SMAD3: variants seen among roughly 807,000 people sequenced by gnomAD.
The protein encoded by SMAD3 is MAD homolog 3.
In SMAD3, 12 loss-of-function variants were observed where a neutral mutation model predicts 51.8. The observed-to-expected ratio is 0.23, with a 90% CI of 0.15 to 0.38. SMAD3 has a LOEUF of 0.38. Ranked by LOEUF, SMAD3 falls within the 10% of genes least tolerant of loss-of-function variation. SMAD3 has a pLI of 1.00. For missense variants in SMAD3, 294 were observed against 565.6 expected, an observed-to-expected ratio of 0.52 and a Z score of 4.87; for synonymous variants, 238 against 227.7, an observed-to-expected ratio of 1.05 and a Z score of -0.41.
chr15:67,098,519 G>T (rs1256879559), intron 1 of SMAD3: 1 of 306,386 alleles, frequency 3.3e-6, no homozygotes, highest in South Asian at 7.8e-5. Flanking sequence ...CATAGCAGGG[G>T]TTTCTTACTG....
At chr15:67,183,347 T>A (rs1267495440) in intron 6 of SMAD3, among the ~76,000 whole-genome samples, 2 of 151,956 alleles carry the variant, frequency 1.3e-5, no homozygotes, top group African/African-American at 2.4e-5. Context: ...CCCGGCCTAT[T>A]TTTTTAAGTT....
intron 5 of SMAD3, chr15:67,174,339 G>A (rs1962832730): frequency 6.6e-6 from 1 of 152,406 alleles, no homozygotes; most frequent in South Asian, 2.1e-4. Flanking sequence ...ATTTAGTGGA[G>A]AGGCCGACCC....
At chr15:67,151,192 T>C (rs1962132355) in intron 1 of SMAD3, among the ~76,000 whole-genome samples, 1 of 152,008 alleles carries the variant, frequency 6.6e-6, no homozygotes, top group African/African-American at 2.4e-5. Flanking sequence ...CATATATTAG[T>C]GGAAGGCCCA....
intron 1 of SMAD3, among the ~76,000 whole-genome samples, chr15:67,153,566 A>AG (rs1315717822): frequency 6.6e-6 from 1 of 152,070 alleles, no homozygotes; most frequent in African/African-American, 2.4e-5. Flanking sequence ...GGGGATCTCA[A>AG]GGGGAGGGAA....
At chr15:67,142,680 G>C in intron 1 of SMAD3, 2 of 308,816 alleles carry the variant, frequency 6.5e-6, no homozygotes, top group South Asian at 4.9e-5. Context: ...GCGTCCAGAG[G>C]CCTGGTAACG....
intron 1 of SMAD3, among the ~76,000 whole-genome samples, chr15:67,067,665 C>T (rs577639268): frequency 2.0e-5 from 3 of 152,288 alleles, no homozygotes; most frequent in Non-Finnish European, 4.4e-5. Context: ...GCAGGCCTCC[C>T]CTGGAAATAA....
intron 1 of SMAD3, among the ~76,000 whole-genome samples, chr15:67,119,651 A>C (rs933857515): frequency 1.2e-4 from 19 of 152,246 alleles, no homozygotes; most frequent in African/African-American, 3.9e-4. Context: ...CGGGAATGGG[A>C]AAAATGAATT....
chr15:67,106,808 T>TC (rs1960887727), intron 1 of SMAD3, among the ~76,000 whole-genome samples: 2 of 152,156 alleles, frequency 1.3e-5, no homozygotes, highest in African/African-American at 2.4e-5. Context: ...AACTTATCAG[T>TC]CCTACATCTC....
At chr15:67,151,638 C>T (rs998806584) in intron 1 of SMAD3, among the ~76,000 whole-genome samples, 1 of 152,162 alleles carries the variant, frequency 6.6e-6, no homozygotes, top group Non-Finnish European at 1.5e-5. Context: ...GGCTATTTTC[C>T]CTTTTTCCTT....
At chr15:67,182,999 AAATAT>A (rs1225282350) in intron 6 of SMAD3, among the ~76,000 whole-genome samples, 595 of 50,042 alleles carry the variant, frequency 0.012, 3 homozygotes, top group Non-Finnish European at 0.016. Flanking sequence ...AAAAAAAAAA[AAATAT>A]ATATATATAT....
chr15:67,166,705 A>G lies in SMAD3; in HGVS notation c.533-74A>G. The G allele has an allele frequency of 3.2e-6, 3 of 933,472 alleles. No individual in the cohort carries two copies. In the South Asian group the frequency reaches 4.2e-5, roughly 13 times the overall value. 57.8% of individuals were successfully genotyped at this position (933,472 alleles called of 1,614,324 possible). A position where few individuals can be genotyped will look rare whatever the true frequency, so the allele number is the denominator to read the frequency against. On this transcript the variant is annotated intron_variant, in intron 3 of 8. Transcript: ENST00000327367. ...GCTAGCATCATGGTGTGCATGTGTGATGTCTTTGCAAAAGGTGTCTCAGAG... is the reference window on the plus strand; with the variant it reads ...GCTAGCATCATGGTGTGCATGTGTGGTGTCTTTGCAAAAGGTGTCTCAGAG...
At chr15:67,144,419 G>A (rs1182571671) in intron 1 of SMAD3, among the ~76,000 whole-genome samples, 4 of 152,196 alleles carry the variant, frequency 2.6e-5, no homozygotes, top group Non-Finnish European at 5.9e-5. Flanking sequence ...CATTTTAAAA[G>A]TTTCTCCTGA....
In SMAD3 at chr15:67,170,621, G is replaced by A. The variant is rs2140301245; in HGVS notation, c.658+17G>A. On this transcript the variant is annotated intron_variant, in intron 5 of 8. Coordinates refer to ENST00000327367, the MANE Select transcript of SMAD3 (RefSeq NM_005902.4). ...ATAACTTGGGTGAGTATCTCCTTGT[G>A]CACACAACTGGAACCCCCTCTAGCT... The A allele has an allele frequency of 1.2e-6, 2 of 1,610,672 alleles. No individual in the cohort carries two copies. Among genetic ancestry groups the A allele is most frequent in the Non-Finnish European group, 1.7e-6 (2 of 1,176,988 alleles).
rs368316454 is a variant in SMAD3, at chr15:67,131,915, A to G, written c.207-32980A>G. Among the ~76,000 whole-genome samples the G allele has an allele frequency of 1.5e-3, 230 of 152,232 alleles. 6 individuals are homozygous for G. In the South Asian group the frequency reaches 0.046, roughly 30 times the overall value. ...AACACTGCATTAACAGGAGATAGAG[A>G]TCCAGTGTGTGTGAACCTTGTGAAA... On this transcript the variant is annotated intron_variant, in intron 1 of 8. Coordinates refer to ENST00000327367, the MANE Select transcript of SMAD3 (RefSeq NM_005902.4).
intron 1 of SMAD3, among the ~76,000 whole-genome samples, chr15:67,102,247 A>AGAGTGT (rs113486399): frequency 2.0e-5 from 3 of 149,098 alleles, no homozygotes; most frequent in East Asian, 2.0e-4. Flanking sequence ...ATGCTGTGAA[A>AGAGTGT]GTGTGTGTGT....
At chr15:67,141,270 T>TC (rs1398985699) in intron 1 of SMAD3, among the ~76,000 whole-genome samples, 1 of 152,232 alleles carries the variant, frequency 6.6e-6, no homozygotes, top group Non-Finnish European at 1.5e-5. Flanking sequence ...TTCAACGTAC[T>TC]ATCTGTGTTG....
At chr15:67,085,867 T>TACAC (rs1960377202) in intron 1 of SMAD3, among the ~76,000 whole-genome samples, 1 of 54,894 alleles carries the variant, frequency 1.8e-5, no homozygotes, top group East Asian at 7.6e-4. Flanking sequence ...AAAAAAAGCG[T>TACAC]GCACACACAC....
intron 1 of SMAD3, among the ~76,000 whole-genome samples, chr15:67,097,391 T>G (rs1434743562): frequency 2.0e-5 from 3 of 150,354 alleles, no homozygotes; most frequent in Non-Finnish European, 4.5e-5. Flanking sequence ...AATTTTCATG[T>G]TTTTTTTGTT....
At chr15:67,088,434 A>G (rs769016028) in intron 1 of SMAD3, among the ~76,000 whole-genome samples, 1 of 152,204 alleles carries the variant, frequency 6.6e-6, no homozygotes, top group Non-Finnish European at 1.5e-5. Flanking sequence ...AACACGTGGA[A>G]GCGGGGGAGG....
Sources: allele counts gnomAD v4.1 joint callset (sites outside exome capture counted in the v4.1 genomes callset), GRCh38; gene constraint gnomAD v4.1.1; transcripts MANE v1.5; gene names NCBI Gene and HGNC (gene_info 2026-07-23, HGNC 2026-07-21).